Variants in ULK4 observed in about 807,000 individuals in gnomAD.
The protein encoded by ULK4 is unc-51 like kinase 4.
ULK4 carries 133 observed loss-of-function variants against 160.6 expected under a neutral mutation model. That is an observed-to-expected ratio of 0.83 (90% confidence interval 0.72 to 0.96). The LOEUF (loss-of-function observed/expected upper bound fraction) is 0.96, where lower values mean the gene tolerates loss of function less well. Ranked by LOEUF, ULK4 falls within the 40% of genes least tolerant of loss-of-function variation. The pLI, the probability that ULK4 is intolerant of heterozygous loss-of-function variation, is 0.00. For missense variants in ULK4, 1,580 were observed against 1,499.5 expected, an observed-to-expected ratio of 1.05 and a Z score of -0.89; for synonymous variants, 534 against 539.8, an observed-to-expected ratio of 0.99 and a Z score of 0.15.
Position 41,925,897 on chromosome 3 carries a change from G to A in ULK4, c.541+5947C>T, listed in dbSNP as rs148557972. Among the ~76,000 whole-genome samples, 1,294 of 152,286 alleles carry A rather than the reference G, an allele frequency of 8.5e-3. 16 individuals carry two copies. The highest frequency in any genetic ancestry group is 0.03 in the African/African-American group (1,245 of 41,556). ...CCATCTCCCTGGGACAGAGCACCTG[G>A]GAGAAGGGGTGGCTGTGGGAGAAGA... On this transcript the variant is annotated intron_variant, in intron 5 of 36. Coordinates refer to ENST00000301831, the MANE Select transcript of ULK4 (RefSeq NM_017886.4).
At chr3:41,433,682 T>C (rs1023011735) in intron 34 of ULK4, among the ~76,000 whole-genome samples, 1 of 152,196 alleles carries the variant, frequency 6.6e-6, no homozygotes, top group Non-Finnish European at 1.5e-5. Flanking sequence ...AGATTGAGCA[T>C]CTCTAATCCT....
intron 22 of ULK4, among the ~76,000 whole-genome samples, chr3:41,734,800 G>T (rs1408525522): frequency 1.3e-5 from 2 of 152,098 alleles, no homozygotes; most frequent in East Asian, 3.9e-4. Context: ...ACAGGAAATT[G>T]TACCATTCAC....
In ULK4 at chr3:41,396,986, C is replaced by T. The variant is rs148252160; in HGVS notation, c.3678+1093G>A. Reference sequence around the variant, plus strand: ...CATACAGGTTCAGCTGGGTCACTCGCTGCAACTGTCTACCTATCAAATTGG... The same window carrying T: ...CATACAGGTTCAGCTGGGTCACTCGTTGCAACTGTCTACCTATCAAATTGG... On this transcript the variant is annotated intron_variant, in intron 35 of 36. Coordinates refer to ENST00000301831, the MANE Select transcript of ULK4 (RefSeq NM_017886.4). Among the ~76,000 whole-genome samples, 22 of 152,228 alleles carry T rather than the reference C, an allele frequency of 1.4e-4. No homozygotes were observed. The East Asian group carries it at 4.1e-3, about 28-fold the overall frequency.
chr3:41,916,038 T>C lies in ULK4; in HGVS notation c.742A>G (p.Lys248Glu). The change falls in exon 8 of 37, where the codon AAA becomes GAA. Residue 248 changes from lysine to glutamate, a missense_variant. Lys to Glu is a moderately conservative substitution (Grantham distance 56). Coordinates refer to ENST00000301831, the MANE Select transcript of ULK4 (RefSeq NM_017886.4). ...PPIPKDSSRP[K>E]ASSDFINLLD... ...AAATTAATAAAATCTGAAGAAGCTTTAGGACGAGAAGAATCTATAAATGAA... is the reference window on the plus strand; with the variant it reads ...AAATTAATAAAATCTGAAGAAGCTTCAGGACGAGAAGAATCTATAAATGAA... 6.3e-7 allele frequency: 1 copy of C among 1,587,180 alleles called. No homozygotes were observed. Among genetic ancestry groups the C allele is most frequent in the Non-Finnish European group, 8.5e-7 (1 of 1,172,322 alleles).
chr3:41,676,081 G>A (rs1460866710), intron 29 of ULK4, among the ~76,000 whole-genome samples: 2 of 152,174 alleles, frequency 1.3e-5, no homozygotes, highest in East Asian at 1.9e-4. Context: ...CCTGAGCAGA[G>A]AACCCACGGA....
intron 32 of ULK4, among the ~76,000 whole-genome samples, chr3:41,506,079 G>A (rs1321449231): frequency 3.3e-5 from 5 of 151,956 alleles, no homozygotes; most frequent in Admixed American, 6.6e-5. Flanking sequence ...CAAAAAAAAC[G>A]AAACTAGAAA....
At chr3:41,616,441 C>T (rs2032967946) in intron 30 of ULK4, among the ~76,000 whole-genome samples, 2 of 152,126 alleles carry the variant, frequency 1.3e-5, no homozygotes, top group Admixed American at 1.3e-4. Flanking sequence ...AACTGAGGTA[C>T]CCAGTTCATC....
intron 30 of ULK4, among the ~76,000 whole-genome samples, chr3:41,652,660 G>A (rs78655523): frequency 1.2e-3 from 188 of 152,318 alleles, no homozygotes; most frequent in African/African-American, 4.4e-3. Flanking sequence ...AGAGGTGGGG[G>A]TCAGAATCTC....
intron 19 of ULK4, among the ~76,000 whole-genome samples, chr3:41,809,495 T>C (rs1187706635): frequency 6.6e-6 from 1 of 152,204 alleles, no homozygotes; most frequent in African/African-American, 2.4e-5. Flanking sequence ...AAAGTAGGCG[T>C]GTAGACTAAG....
At position 41,488,334 on chromosome 3, in the gene ULK4, G is replaced by A. The variant is rs574950035; in HGVS notation, c.3227-25081C>T. 2.6e-5 allele frequency among the ~76,000 whole-genome samples: 4 copies of A among 152,152 alleles called. No individual in the cohort carries two copies. The South Asian group carries it at 6.2e-4, about 24-fold the overall frequency. ...CCCATCCCTCTGCATAGGAAAAAGT[G>A]GAGACGGTCCAGAGAGTTGGAAATT... is the stretch of plus-strand genomic sequence containing the variant. On this transcript the variant is annotated intron_variant, in intron 32 of 36. Transcript: ENST00000301831.
intron 36 of ULK4, among the ~76,000 whole-genome samples, chr3:41,248,062 T>A (rs904814176): frequency 6.6e-6 from 1 of 152,146 alleles, no homozygotes; most frequent in African/African-American, 2.4e-5. Context: ...TTTGACACAT[T>A]TGGTCCAAAT....
At chr3:41,326,451 CAT>C (rs10660377) in intron 35 of ULK4, among the ~76,000 whole-genome samples, 3,382 of 146,294 alleles carry the variant, frequency 0.023, 66 homozygotes, top group African/African-American at 0.061. Flanking sequence ...TGCATATATA[CAT>C]ATATATATAT....
At chr3:41,248,238 T>C (rs909128591) in intron 36 of ULK4, among the ~76,000 whole-genome samples, 1 of 152,194 alleles carries the variant, frequency 6.6e-6, no homozygotes, top group African/African-American at 2.4e-5. Flanking sequence ...TAAATCTCTG[T>C]AGCTGGCTCT....
chr3:41,492,526 G>A (rs1158251063), intron 32 of ULK4, among the ~76,000 whole-genome samples: 6 of 147,528 alleles, frequency 4.1e-5, no homozygotes, highest in Admixed American at 2.0e-4. Flanking sequence ...CAACTAACAA[G>A]CAAAATAACC....
chr3:41,276,390 T>C (rs1302263612), intron 35 of ULK4, among the ~76,000 whole-genome samples: 2 of 152,216 alleles, frequency 1.3e-5, no homozygotes, highest in Non-Finnish European at 2.9e-5. Context: ...GTCCCATGAC[T>C]CAAAGTTTTG....
chr3:41,264,731 A>G (rs1205182952), intron 35 of ULK4, among the ~76,000 whole-genome samples: 1 of 152,226 alleles, frequency 6.6e-6, no homozygotes, highest in African/African-American at 2.4e-5. Flanking sequence ...ATTATAAGCA[A>G]TCTCTTCAAC....
intron 35 of ULK4, among the ~76,000 whole-genome samples, chr3:41,365,636 CTG>C (rs1379436764): frequency 6.6e-6 from 1 of 152,072 alleles, no homozygotes; most frequent in East Asian, 1.9e-4. Flanking sequence ...TGATAGAAAA[CTG>C]AGACTCAGTG....
chr3:41,721,225 T>C (rs913201495), intron 22 of ULK4, among the ~76,000 whole-genome samples: 43 of 139,240 alleles, frequency 3.1e-4, no homozygotes, highest in African/African-American at 1.0e-3. Context: ...TCCAGGGTAA[T>C]GGAAGCAGAT....
chr3:41,259,108 A>ATG (rs1192612402), intron 35 of ULK4, among the ~76,000 whole-genome samples: 3 of 128,442 alleles, frequency 2.3e-5, no homozygotes, highest in Non-Finnish European at 1.5e-5. Flanking sequence ...ATGTATATGT[A>ATG]TATATGTGTA....
Sources: gnomAD v4.1 joint callset for allele counts (sites outside exome capture counted in the v4.1 genomes callset) on GRCh38, gnomAD v4.1.1 for gene constraint, MANE v1.5 for transcripts, NCBI Gene and HGNC (gene_info 2026-07-23, HGNC 2026-07-21) for gene names.